Variants in CDH13 observed in about 807,000 individuals in gnomAD.
CDH13 encodes the protein cadherin 13.
A neutral mutation model predicts 63.8 loss-of-function variants in CDH13; 24 were observed. The ratio of observed to expected loss-of-function variants is 0.38; its 90% CI spans 0.27 to 0.53. The LOEUF is 0.53. CDH13 is among the 20% of genes least tolerant of loss of function. The pLI is 0.85. For synonymous variants in CDH13, 503 were observed against 355.3 expected (o/e 1.42, Z -4.67); for missense variants, 1,049 against 903.1 (o/e 1.16, Z -2.07).
At chr16:83,101,434 G>T (rs2034473130) in intron 3 of CDH13, among the ~76,000 whole-genome samples, 1 of 145,046 alleles carries the variant, frequency 6.9e-6, no homozygotes, top group Non-Finnish European at 1.5e-5. Flanking sequence ...TTGTGATATT[G>T]CCAAAAAAAA....
chr16:83,155,524 C>G (rs2037171889), intron 4 of CDH13, among the ~76,000 whole-genome samples: 1 of 152,122 alleles, frequency 6.6e-6, no homozygotes, highest in Non-Finnish European at 1.5e-5. Flanking sequence ...CTAGGTGACT[C>G]TTCCTCCAGC....
At chr16:83,415,615 A>G (rs977129347) in intron 6 of CDH13, among the ~76,000 whole-genome samples, 13 of 152,228 alleles carry the variant, frequency 8.5e-5, no homozygotes, top group African/African-American at 3.1e-4. Flanking sequence ...ACAGAAATCA[A>G]TCAATGTGAT....
At chr16:82,662,789 C>T (rs8054788) in intron 1 of CDH13, among the ~76,000 whole-genome samples, 42,200 of 152,166 alleles carry the variant, frequency 0.28, 7,282 homozygotes, top group South Asian at 0.49. Context: ...ATGTGTCCCT[C>T]TGGGAGGGCT....
At chr16:83,468,693 G>T (rs866715788) in intron 6 of CDH13, among the ~76,000 whole-genome samples, 1 of 152,070 alleles carries the variant, frequency 6.6e-6, no homozygotes, top group Non-Finnish European at 1.5e-5. Context: ...TCTTTTCACC[G>T]CCTCTCCTTC....
At chr16:83,753,390 A>C (rs947353308) in intron 11 of CDH13, among the ~76,000 whole-genome samples, 2 of 152,138 alleles carry the variant, frequency 1.3e-5, no homozygotes, top group Admixed American at 1.3e-4. Context: ...AAAAGAATAC[A>C]AAAATTAGTC....
intron 2 of CDH13, among the ~76,000 whole-genome samples, chr16:82,974,972 CT>C (rs2151376731): frequency 6.6e-6 from 1 of 152,352 alleles, no homozygotes; most frequent in Admixed American, 6.5e-5. Context: ...TGTAATGGCG[CT>C]GGGTCAGTCT....
chr16:83,304,931 C>A (rs995252594), intron 5 of CDH13, among the ~76,000 whole-genome samples: 3 of 152,134 alleles, frequency 2.0e-5, no homozygotes, highest in South Asian at 2.1e-4. Context: ...TTATTCATAG[C>A]AGAACTTTCC....
chr16:83,318,747 A>G (rs890362133), intron 5 of CDH13, among the ~76,000 whole-genome samples: 1 of 152,176 alleles, frequency 6.6e-6, no homozygotes, highest in Non-Finnish European at 1.5e-5. Context: ...TCTGCCAGGA[A>G]CAAATGGCGA....
At chr16:82,913,120 A>C (rs745853550) in intron 2 of CDH13, among the ~76,000 whole-genome samples, 1 of 152,094 alleles carries the variant, frequency 6.6e-6, no homozygotes, top group East Asian at 1.9e-4. Flanking sequence ...GGTTTAAGTA[A>C]ATTTTTTTCT....
chr16:82,957,268 A>G lies in CDH13; in HGVS notation c.158-74742A>G, dbSNP rs148020281. Among the ~76,000 whole-genome samples, 32 of 152,296 alleles carry G rather than the reference A, an allele frequency of 2.1e-4. No homozygotes were observed. The East Asian group carries it at 5.8e-3, about 28-fold the overall frequency. On this transcript the variant is annotated intron_variant, in intron 2 of 13. Coordinates refer to ENST00000567109, the MANE Select transcript of CDH13 (RefSeq NM_001257.5). ...CTAGCTGCAAGGAAAATCAAGAGCT[A>G]TTGGTCTTTCTTTGGGGGACAAATA... is the stretch of plus-strand genomic sequence containing the variant.
intron 2 of CDH13, among the ~76,000 whole-genome samples, chr16:83,005,041 C>G (rs7199656): frequency 0.39 from 59,055 of 152,012 alleles, 11,633 homozygotes; most frequent in Non-Finnish European, 0.42. Flanking sequence ...CCCTTTCATT[C>G]CCTGTTGAGC....
intron 4 of CDH13, among the ~76,000 whole-genome samples, chr16:83,158,478 C>T (rs1271025162): frequency 6.6e-6 from 1 of 152,234 alleles, no homozygotes; most frequent in African/African-American, 2.4e-5. Context: ...CGTGTACTTG[C>T]CAGGGCTGGC....
At chr16:83,547,664 T>C (rs746880294) in intron 7 of CDH13, among the ~76,000 whole-genome samples, 11 of 152,228 alleles carry the variant, frequency 7.2e-5, no homozygotes, top group Admixed American at 5.2e-4. Flanking sequence ...TATTCCATGG[T>C]ATATACGTAC....
intron 2 of CDH13, among the ~76,000 whole-genome samples, chr16:82,910,040 T>C (rs1290084022): frequency 6.6e-6 from 1 of 152,232 alleles, no homozygotes; most frequent in Non-Finnish European, 1.5e-5. Flanking sequence ...AGTAGTGGCA[T>C]GCGACCCTTC....
rs150629416 is a variant in CDH13 at position 83,092,097 on chromosome 16, A to T, written c.367-33288A>T. The stretch of plus-strand genomic sequence containing the variant: ...GTTAAAGAACCATGAAATAATAAGT[A>T]ATTCATATCACTGCATTCATTTCTC... On this transcript the variant is annotated intron_variant, in intron 3 of 13. Transcript: ENST00000567109. 1.3e-4 allele frequency among the ~76,000 whole-genome samples: 20 copies of T among 152,364 alleles called. 1 individual carries two copies. In the East Asian group the frequency reaches 3.9e-3, roughly 29 times the overall value.
chr16:83,747,753 C>G (rs1254941891), intron 10 of CDH13, among the ~76,000 whole-genome samples: 1 of 147,854 alleles, frequency 6.8e-6, no homozygotes, highest in Non-Finnish European at 1.5e-5. Flanking sequence ...TCCCACTAGT[C>G]CACATACGAG....
chr16:83,434,836 AAT>A (rs67112329), intron 6 of CDH13, among the ~76,000 whole-genome samples: 1,681 of 106,776 alleles, frequency 0.016, 20 homozygotes, highest in Non-Finnish European at 0.023. Context: ...ACCTATTTAA[AAT>A]ATATATATAT....
chr16:83,773,850 G>C lies in CDH13; in HGVS notation c.1682-6118G>C, dbSNP rs529909818. The stretch of plus-strand genomic sequence containing the variant: ...CTCCAACACTGTTCCCCAGTCATGA[G>C]GCTCTAAACCACTACCCCACAGAGG... On this transcript the variant is annotated intron_variant, in intron 11 of 13. Transcript: ENST00000567109. 2.9e-4 allele frequency among the ~76,000 whole-genome samples: 44 copies of C among 152,260 alleles called. 1 individual carries two copies. The South Asian group carries it at 8.9e-3, about 31-fold the overall frequency.
chr16:83,375,451 CATCTT>C (rs2091443400), intron 6 of CDH13, among the ~76,000 whole-genome samples: 1 of 152,168 alleles, frequency 6.6e-6, no homozygotes, highest in African/African-American at 2.4e-5. Context: ...ATTCTGCTGA[CATCTT>C]ATGAGTATCT....
Sources: gnomAD v4.1 joint callset for allele counts (sites outside exome capture counted in the v4.1 genomes callset) on GRCh38, gnomAD v4.1.1 for gene constraint, MANE v1.5 for transcripts, NCBI Gene and HGNC (gene_info 2026-07-23, HGNC 2026-07-21) for gene names.